Variants in GALNT17 observed in about 807,000 individuals in gnomAD.
GALNT17 encodes the protein UDP-GalNAc:polypeptide N-acetylgalactosaminyltransferase-like 3.
A neutral mutation model predicts 63.7 loss-of-function variants in GALNT17; 29 were observed. That is an observed-to-expected ratio of 0.46 (90% CI 0.34 to 0.62). GALNT17 has a LOEUF of 0.62. Among genes scored for constraint, GALNT17 ranks in the 20% least tolerant of loss-of-function variants. The pLI, the probability that GALNT17 is intolerant of heterozygous loss-of-function variation, is 0.01. For synonymous variants in GALNT17, 305 were observed against 318.3 expected, an observed-to-expected ratio of 0.96 and a Z score of 0.45; for missense variants, 603 against 799.6, an observed-to-expected ratio of 0.75 and a Z score of 2.97.
chr7:71,457,974 C>T (rs1052899712), intron 5 of GALNT17, among the ~76,000 whole-genome samples: 1 of 152,126 alleles, frequency 6.6e-6, no homozygotes, highest in African/African-American at 2.4e-5. Flanking sequence ...AAGGCAGGGA[C>T]ACCACTGCCC....
In GALNT17 at chr7:71,451,547, A is replaced by G. The variant is rs565875992; in HGVS notation, c.962+30442A>G. Among the ~76,000 whole-genome samples the G allele has an allele frequency of 5.3e-5, 8 of 152,046 alleles. No homozygotes were observed. The East Asian group carries it at 9.7e-4, about 18-fold the overall frequency. On this transcript the variant is annotated intron_variant, in intron 5 of 10. Transcript: ENST00000333538. The stretch of plus-strand genomic sequence containing the variant: ...TTATTCTCGGTTCCCCTCTTTCCTT[A>G]TATTTGAATTTTATTAATTCATTTT...
intron 2 of GALNT17, among the ~76,000 whole-genome samples, chr7:71,382,679 G>C (rs1792868941): frequency 6.6e-6 from 1 of 152,126 alleles, no homozygotes; most frequent in African/African-American, 2.4e-5. Context: ...GCAGTGACAA[G>C]GTTCTGATGA....
intron 2 of GALNT17, among the ~76,000 whole-genome samples, chr7:71,343,690 C>T (rs998473274): frequency 1.3e-5 from 2 of 152,074 alleles, no homozygotes; most frequent in Non-Finnish European, 2.9e-5. Flanking sequence ...TTCTATGACT[C>T]TTTTATATTT....
At chr7:71,371,545 G>A (rs1275756864) in intron 2 of GALNT17, among the ~76,000 whole-genome samples, 1 of 151,976 alleles carries the variant, frequency 6.6e-6, no homozygotes, top group South Asian at 2.1e-4. Flanking sequence ...TCACTCTTTT[G>A]TTATTGCTGT....
rs1011701208 is a variant in GALNT17, at chr7:71,155,096, C to T, written c.238+22056C>T. Among the ~76,000 whole-genome samples, 22 of 151,612 alleles carry T rather than the reference C, an allele frequency of 1.5e-4. 1 individual carries two copies. The highest frequency in any genetic ancestry group is 5.4e-4 in the African/African-American group (22 of 40,996). ...CTGACAGTTGTCCTAAACCACCGAG[C>T]GTTGAGTTTATTTGGAAATGCAAGA... On this transcript the variant is annotated intron_variant, in intron 1 of 10. Transcript: ENST00000333538.
intron 5 of GALNT17, among the ~76,000 whole-genome samples, chr7:71,492,260 A>G (rs1483223372): frequency 1.3e-5 from 2 of 152,344 alleles, no homozygotes; most frequent in East Asian, 3.9e-4. Context: ...GCCTGGAGAC[A>G]GAGCAAGACT....
At chr7:71,291,287 G>C (rs1043485795) in intron 1 of GALNT17, among the ~76,000 whole-genome samples, 1 of 152,190 alleles carries the variant, frequency 6.6e-6, no homozygotes, top group East Asian at 1.9e-4. Context: ...TTGTTCTGTG[G>C]ATCTGTTTTT....
At chr7:71,247,141 T>G (rs1441257619) in intron 1 of GALNT17, among the ~76,000 whole-genome samples, 2 of 152,228 alleles carry the variant, frequency 1.3e-5, no homozygotes, top group Non-Finnish European at 2.9e-5. Context: ...CCTTGAAGTG[T>G]GAGCTTAGAT....
intron 5 of GALNT17, among the ~76,000 whole-genome samples, chr7:71,448,652 T>C (rs562042047): frequency 8.9e-4 from 136 of 152,288 alleles, no homozygotes; most frequent in Non-Finnish European, 2.9e-4. Context: ...TCTGAGACTG[T>C]GAATGTCATT....
chr7:71,374,290 T>C (rs1792680410), intron 2 of GALNT17, among the ~76,000 whole-genome samples: 2 of 152,246 alleles, frequency 1.3e-5, no homozygotes, highest in African/African-American at 4.8e-5. Context: ...TTTTCTCATC[T>C]GCAAAATGAG....
rs1390766247 is a variant in GALNT17, at chr7:71,207,881, C to G, written c.238+74841C>G. Among the ~76,000 whole-genome samples, 6 of 151,932 alleles carry G rather than the reference C, an allele frequency of 3.9e-5. No homozygotes were observed. In the East Asian group the frequency reaches 9.7e-4, roughly 25 times the overall value. On this transcript the variant is annotated intron_variant, in intron 1 of 10. Coordinates refer to ENST00000333538, the MANE Select transcript of GALNT17 (RefSeq NM_022479.3). Reference sequence around the variant, plus strand: ...TTTGTCATGGGTACAACATTTAGAGCCACTGATGTATACAAGCAATGAGGT... The same window carrying G: ...TTTGTCATGGGTACAACATTTAGAGGCACTGATGTATACAAGCAATGAGGT...
chr7:71,445,503 G>A (rs1424577546), intron 5 of GALNT17, among the ~76,000 whole-genome samples: 1 of 149,390 alleles, frequency 6.7e-6, no homozygotes, highest in Non-Finnish European at 1.5e-5. Context: ...GGCCAGGGTG[G>A]AGGCTTCAAC....
rs577083144 is a variant in GALNT17, at chr7:71,576,360, G to A, written c.1080+4958G>A. 7.9e-5 allele frequency among the ~76,000 whole-genome samples: 12 copies of A among 152,302 alleles called. 1 individual carries two copies. In the South Asian group the frequency reaches 2.5e-3, roughly 32 times the overall value. On this transcript the variant is annotated intron_variant, in intron 6 of 10. Coordinates refer to ENST00000333538, the MANE Select transcript of GALNT17 (RefSeq NM_022479.3). ...TGTGAGAATGATTTATTTATTTTGG[G>A]TGTATATCCAGTAATGGGATTGCTG...
intron 5 of GALNT17, among the ~76,000 whole-genome samples, chr7:71,450,377 C>T (rs1787239537): frequency 6.6e-6 from 1 of 152,104 alleles, no homozygotes; most frequent in African/African-American, 2.4e-5. Context: ...AGTGATCCAC[C>T]TGTGTCGGCC....
rs9638287 is a variant in GALNT17, at chr7:71,147,687, A to G, written c.238+14647A>G. Among the ~76,000 whole-genome samples the G allele has an allele frequency of 5.4e-3, 823 of 151,648 alleles. 34 individuals are homozygous for G. In the East Asian group the frequency reaches 0.1, roughly 19 times the overall value. ...CACTCTGTCGTCCAGGCTGGAGTGC[A>G]GTGGCATGATCTCAGCTCACCACAA... On this transcript the variant is annotated intron_variant, in intron 1 of 10. Transcript: ENST00000333538.
intron 1 of GALNT17, among the ~76,000 whole-genome samples, chr7:71,151,657 C>G (rs1043780207): frequency 6.6e-6 from 1 of 151,608 alleles, no homozygotes; most frequent in Non-Finnish European, 1.5e-5. Context: ...AGAAAATAGC[C>G]TTGTTTCTCA....
intron 6 of GALNT17, among the ~76,000 whole-genome samples, chr7:71,594,829 T>C (rs944717675): frequency 6.6e-6 from 1 of 152,180 alleles, no homozygotes; most frequent in African/African-American, 2.4e-5. Flanking sequence ...GGAATTCAGA[T>C]AGGAAATAGT....
intron 6 of GALNT17, among the ~76,000 whole-genome samples, chr7:71,608,127 A>G (rs911076417): frequency 1.3e-5 from 2 of 152,208 alleles, no homozygotes; most frequent in African/African-American, 4.8e-5. Context: ...GAGCTGACAT[A>G]ATGATCACTA....
At chr7:71,392,337 G>T (rs1299534874) in intron 3 of GALNT17, among the ~76,000 whole-genome samples, 1 of 152,068 alleles carries the variant, frequency 6.6e-6, no homozygotes, top group Non-Finnish European at 1.5e-5. Context: ...ATTTCACTGG[G>T]GAAATTCCAA....
Sources: gnomAD v4.1 joint callset for allele counts (sites outside exome capture counted in the v4.1 genomes callset) on GRCh38, gnomAD v4.1.1 for gene constraint, MANE v1.5 for transcripts, NCBI Gene and HGNC (gene_info 2026-07-23, HGNC 2026-07-21) for gene names.